The following G3BP2 variants were observed in gnomAD, a reference collection of about 807,000 sequenced individuals.
The protein encoded by G3BP2 is ras GTPase-activating protein-binding protein 2.
G3BP2 carries 11 observed loss-of-function variants against 56.7 expected under a neutral mutation model. The ratio of observed to expected loss-of-function variants is 0.19; its 90% CI spans 0.12 to 0.32. The LOEUF is 0.32. Among genes scored for constraint, G3BP2 ranks in the 10% least tolerant of loss-of-function variants. The pLI, the probability that G3BP2 is intolerant of heterozygous loss-of-function variation, is 1.00. For missense variants in G3BP2, 340 were observed against 610.9 expected, an observed-to-expected ratio of 0.56 and a Z score of 4.67; for synonymous variants, 165 against 191.6, an observed-to-expected ratio of 0.86 and a Z score of 1.15.
intron 1 of G3BP2, among the ~76,000 whole-genome samples, chr4:75,669,291 G>T (rs1255173967): frequency 6.6e-6 from 1 of 152,188 alleles, no homozygotes; most frequent in East Asian, 1.9e-4. Context: ...ACCAAAGAAA[G>T]CTATTTCCTT....
At chr4:75,692,200 C>T (rs961079359) in intron 3 of G3BP2, among the ~76,000 whole-genome samples, 9 of 152,106 alleles carry the variant, frequency 5.9e-5, no homozygotes, top group Non-Finnish European at 1.2e-4. Context: ...TGCTCTCTAA[C>T]GTAAGTTAAG....
At chr4:75,703,866 GTT>G (rs1429991588) in intron 3 of G3BP2, among the ~76,000 whole-genome samples, 2 of 152,028 alleles carry the variant, frequency 1.3e-5, no homozygotes, top group East Asian at 3.8e-4. Context: ...TATTATTAGA[GTT>G]TAATTAAATG....
intron 3 of G3BP2, among the ~76,000 whole-genome samples, chr4:75,688,208 A>G (rs1397717509): frequency 2.0e-5 from 3 of 151,574 alleles, no homozygotes; most frequent in African/African-American, 4.9e-5. Context: ...TTATTTTTAA[A>G]TATTTTTCTT....
chr4:75,722,474 T>C (rs991390055), intron 1 of G3BP2, among the ~76,000 whole-genome samples: 5 of 152,118 alleles, frequency 3.3e-5, no homozygotes, highest in African/African-American at 4.8e-5. Flanking sequence ...TAATAGACAT[T>C]TGTGGCCCAC....
chr4:75,672,836 C>A lies in G3BP2; in HGVS notation c.-25+372G>T, dbSNP rs182225602. 9 of 184,612 alleles carry A rather than the reference C, an allele frequency of 4.9e-5. No individual in the cohort carries two copies. In the East Asian group the frequency reaches 1.7e-3, roughly 35 times the overall value. 11.4% of individuals were successfully genotyped at this position (184,612 alleles called of 1,614,324 possible). A position where few individuals can be genotyped will look rare whatever the true frequency, so the allele number is the denominator to read the frequency against. ...ACCCTAAAACATCCCCTCCAGAAAG[C>A]CTGCTCCCACACTTCCTGTATTAAG... On this transcript the variant is annotated intron_variant, in intron 1 of 11. Coordinates refer to ENST00000359707, the MANE Select transcript of G3BP2 (RefSeq NM_203505.3).
upstream of G3BP2, among the ~76,000 whole-genome samples, chr4:75,675,249 G>A (rs1477151466): frequency 6.6e-6 from 1 of 152,102 alleles, no homozygotes; most frequent in East Asian, 1.9e-4. Context: ...AAGTGTTTCC[G>A]GTTTGGAGCT....
chr4:75,686,329 G>A (rs1265336765), intron 3 of G3BP2, among the ~76,000 whole-genome samples: 1 of 152,018 alleles, frequency 6.6e-6, no homozygotes, highest in African/African-American at 2.4e-5. Context: ...AGGCAAAAAA[G>A]AATTTTAATA....
intron 3 of G3BP2, among the ~76,000 whole-genome samples, chr4:75,695,398 G>A (rs1341758596): frequency 6.6e-6 from 1 of 152,222 alleles, no homozygotes; most frequent in Non-Finnish European, 1.5e-5. Context: ...AGGTACAGGT[G>A]TCTAGGGTCT....
chr4:75,719,741 C>A (rs1348435687), intron 3 of G3BP2, among the ~76,000 whole-genome samples: 1 of 151,982 alleles, frequency 6.6e-6, no homozygotes, highest in African/African-American at 2.4e-5. Flanking sequence ...AGGCATGCAC[C>A]ACCACGCTCG....
chr4:75,655,029 T>C (rs1731981778), intron 7 of G3BP2, 37 bp downstream of exon 7: 2 of 1,398,332 alleles, frequency 1.4e-6, no homozygotes, highest in African/African-American at 1.4e-5. Context: ...AATTTGAACA[T>C]GTGATGTTGT....
chr4:75,673,186 C>T, intron 1 of G3BP2, 22 bp downstream of exon 1: 3 of 1,193,742 alleles, frequency 2.5e-6, no homozygotes, highest in Non-Finnish European at 3.1e-6. Flanking sequence ...CACCGACCTC[C>T]CCTCCCGGCG....
intron 3 of G3BP2, among the ~76,000 whole-genome samples, chr4:75,720,015 C>T (rs1360492060): frequency 5.4e-5 from 2 of 36,722 alleles, no homozygotes; most frequent in African/African-American, 2.4e-4. Flanking sequence ...TGGGGGGGCC[C>T]AGAACCCTTT....
chr4:75,677,693 G>A (rs1733929956), upstream of G3BP2, among the ~76,000 whole-genome samples: 1 of 152,122 alleles, frequency 6.6e-6, no homozygotes, highest in Non-Finnish European at 1.5e-5. Context: ...GTCCTTAAGG[G>A]AAACGCATTT....
chr4:75,657,417 GCACT>G (rs370214661), intron 4 of G3BP2, 136 bp downstream of exon 4: 20 of 609,100 alleles, frequency 3.3e-5, no homozygotes, highest in African/African-American at 1.7e-4. Context: ...GTACACACAC[GCACT>G]CACTCAAACA....
intron 1 of G3BP2, among the ~76,000 whole-genome samples, chr4:75,723,066 C>T (rs1005643116): frequency 2.0e-5 from 3 of 152,102 alleles, no homozygotes; most frequent in African/African-American, 7.2e-5. Context: ...TGTGTACCTA[C>T]ATTTTAGGGA....
intron 3 of G3BP2, among the ~76,000 whole-genome samples, chr4:75,708,421 G>A (rs571344991): frequency 6.6e-6 from 1 of 152,130 alleles, no homozygotes; most frequent in Non-Finnish European, 1.5e-5. Flanking sequence ...TAAGCCACAT[G>A]ATCTTGATTG....
chr4:75,680,058 C>G (rs1039971701), intron 3 of G3BP2, among the ~76,000 whole-genome samples: 1 of 152,164 alleles, frequency 6.6e-6, no homozygotes, highest in Non-Finnish European at 1.5e-5. Context: ...GTGTTTAATT[C>G]TTCAAGCCTT....
At chr4:75,714,756 C>G (rs1187554209) in intron 3 of G3BP2, among the ~76,000 whole-genome samples, 7 of 152,140 alleles carry the variant, frequency 4.6e-5, no homozygotes, top group Non-Finnish European at 8.8e-5. Flanking sequence ...AAGGCACACT[C>G]ATTTGTAGAT....
rs76448782 is a variant in G3BP2 at position 75,679,588 on chromosome 4, C to T, written c.-24-17539G>A. ...TAGGTGGTAGATTTTAGGTATGTAA[C>T]TTGTTTTGATCATATCTATGAAAGT... On this transcript the variant is annotated intron_variant, in intron 3 of 3. Transcript: ENST00000499709. Among the ~76,000 whole-genome samples the T allele has an allele frequency of 1.2e-3, 185 of 152,236 alleles. 4 individuals are homozygous for T. The East Asian group carries it at 0.033, about 27-fold the overall frequency.
Sources: allele counts gnomAD v4.1 joint callset (sites outside exome capture counted in the v4.1 genomes callset), GRCh38; gene constraint gnomAD v4.1.1; transcripts MANE v1.5; gene names NCBI Gene and HGNC (gene_info 2026-07-23, HGNC 2026-07-21).